Variants in RAB27A observed in about 807,000 individuals in gnomAD.
RAB27A encodes ras-related protein Rab-27A.
RAB27A carries 17 observed loss-of-function variants against 20.8 expected under a neutral mutation model. The observed-to-expected ratio is 0.82, with a 90% CI of 0.56 to 1.23. The LOEUF (loss-of-function observed/expected upper bound fraction) is 1.23. Among genes scored for constraint, RAB27A ranks in the 50% most tolerant of loss-of-function variants. The probability of loss-of-function intolerance (pLI) is 0.00; values close to 1 mark genes in which losing one functional copy is unlikely to be tolerated. For synonymous variants in RAB27A, 85 were observed against 92.8 expected (o/e 0.92, Z 0.48); for missense variants, 277 against 266.7 (o/e 1.04, Z -0.27).
chr15:55,317,635 T>C, intron 1 of RAB27A: 1 of 398,320 alleles, frequency 2.5e-6, no homozygotes, highest in Non-Finnish European at 4.4e-6. Flanking sequence ...GTATTAACTT[T>C]TCTTCTCTTC....
chr15:55,207,104 A>G (rs1894689687), intron 6 of RAB27A, among the ~76,000 whole-genome samples: 1 of 152,222 alleles, frequency 6.6e-6, no homozygotes, highest in Non-Finnish European at 1.5e-5. Flanking sequence ...ATATTAACTC[A>G]CACCCATCAG....
At chr15:55,282,577 G>C (rs1189580615) in intron 1 of RAB27A, among the ~76,000 whole-genome samples, 3 of 152,094 alleles carry the variant, frequency 2.0e-5, no homozygotes, top group East Asian at 3.8e-4. Context: ...TCCTTTCCAG[G>C]GTATGGTGGT....
rs11855084 is a variant in RAB27A, at chr15:55,289,485, G to A, written c.-143+231C>T. 0.047 allele frequency: 7,158 copies of A among 152,780 alleles called. 244 individuals are homozygous for A. The highest frequency in any genetic ancestry group is 0.067 in the Non-Finnish European group (4,575 of 68,432). 9.5% of individuals were successfully genotyped at this position (152,780 alleles called of 1,614,324 possible). A position where few individuals can be genotyped will look rare whatever the true frequency, so the allele number is the denominator to read the frequency against. ...AACCCGGAGGCGATCTGAGACCCTG[G>A]CCGGACCTGGGACCGCACCTGGCCA... On this transcript the variant is annotated intron_variant, in intron 1 of 6. Coordinates refer to ENST00000336787, the MANE Select transcript of RAB27A (RefSeq NM_183235.3).
intron 2 of RAB27A, among the ~76,000 whole-genome samples, chr15:55,298,319 C>A (rs2054958388): frequency 6.6e-6 from 1 of 151,616 alleles, no homozygotes; most frequent in South Asian, 2.1e-4. Flanking sequence ...AATAAAGGGA[C>A]AGAGTACAAA....
At chr15:55,232,745 A>T (rs1339470824) in intron 3 of RAB27A, among the ~76,000 whole-genome samples, 1 of 152,210 alleles carries the variant, frequency 6.6e-6, no homozygotes, top group Non-Finnish European at 1.5e-5. Context: ...AATAAGCACC[A>T]GTAAAAATGT....
In RAB27A at chr15:55,205,596, A is replaced by C; in HGVS notation, c.577T>G (p.Trp193Gly). The C allele has an allele frequency of 3.1e-6, 5 of 1,614,170 alleles. No individual in the cohort carries two copies. The highest frequency in any genetic ancestry group is 3.4e-6 in the Non-Finnish European group (4 of 1,180,024). Residue 193 changes from tryptophan (W) to glycine (G), a missense_variant, in exon 7 of 7, where the codon TGG (tryptophan) becomes GGG (glycine). By Grantham distance (184) the Trp-to-Gly change is radical. Transcript: ENST00000336787. ...KRMERCVDKSWIPEGVVRSNG... is the reference protein window; with the variant it reads ...KRMERCVDKSGIPEGVVRSNG... Reference sequence around the variant, plus strand: ...GATCGCACCACTCCTTCAGGAATCCAGGACTTGTCCACACACCGTTCCATT... The same window carrying C: ...GATCGCACCACTCCTTCAGGAATCCCGGACTTGTCCACACACCGTTCCATT...
At chr15:55,296,907 G>A (rs1290682642) in intron 2 of RAB27A, among the ~76,000 whole-genome samples, 1 of 152,090 alleles carries the variant, frequency 6.6e-6, no homozygotes, top group African/African-American at 2.4e-5. Flanking sequence ...GGTGCAGGAG[G>A]GTTCAGGGTT....
At chr15:55,318,025 G>A (rs575381532) in intron 1 of RAB27A, among the ~76,000 whole-genome samples, 2 of 152,084 alleles carry the variant, frequency 1.3e-5, no homozygotes, top group South Asian at 4.2e-4. Flanking sequence ...AGTGAATTAG[G>A]GAAGGGTATA....
At chr15:55,266,019 C>T (rs1024589984) in intron 2 of RAB27A, among the ~76,000 whole-genome samples, 2 of 152,204 alleles carry the variant, frequency 1.3e-5, no homozygotes, top group Admixed American at 6.5e-5. Context: ...ACTGGAAATA[C>T]ACAGAGCATC....
At chr15:55,262,456 G>A (rs906365647) in intron 2 of RAB27A, among the ~76,000 whole-genome samples, 1 of 151,260 alleles carries the variant, frequency 6.6e-6, no homozygotes, top group African/African-American at 2.4e-5. Flanking sequence ...GCAGGAGAAT[G>A]GCGTGAACCC....
intron 3 of RAB27A, among the ~76,000 whole-genome samples, chr15:55,234,069 T>C (rs1453281056): frequency 6.6e-6 from 1 of 152,140 alleles, no homozygotes; most frequent in Non-Finnish European, 1.5e-5. Flanking sequence ...TAAAGGACCT[T>C]TGTCATTAAT....
chr15:55,300,067 G>A (rs571727098), intron 2 of RAB27A, among the ~76,000 whole-genome samples: 5 of 151,910 alleles, frequency 3.3e-5, no homozygotes, highest in African/African-American at 4.8e-5. Flanking sequence ...TAATCCGCCC[G>A]CCTCGGCCTC....
At chr15:55,250,935 T>C (rs16976228) in intron 2 of RAB27A, among the ~76,000 whole-genome samples, 10,083 of 152,086 alleles carry the variant, frequency 0.066, 1,122 homozygotes, top group African/African-American at 0.23. Context: ...GGCAGCAGAG[T>C]GATATTCTAA....
chr15:55,275,249 C>T (rs926962561), intron 1 of RAB27A, among the ~76,000 whole-genome samples: 2 of 150,068 alleles, frequency 1.3e-5, no homozygotes, highest in African/African-American at 4.9e-5. Context: ...GAGACTCCAT[C>T]TAACAACAAC....
intron 1 of RAB27A, among the ~76,000 whole-genome samples, chr15:55,273,896 G>A (rs1897776469): frequency 6.6e-6 from 1 of 152,100 alleles, no homozygotes; most frequent in Non-Finnish European, 1.5e-5. Flanking sequence ...AGAACAAATG[G>A]AATTAACAGG....
intron 1 of RAB27A, among the ~76,000 whole-genome samples, chr15:55,285,796 T>G (rs1356400382): frequency 6.6e-6 from 1 of 152,190 alleles, no homozygotes; most frequent in African/African-American, 2.4e-5. Flanking sequence ...GAATTTCCAT[T>G]TTCTCAAATT....
chr15:55,265,718 G>A (rs1897452011), intron 2 of RAB27A, among the ~76,000 whole-genome samples: 1 of 152,120 alleles, frequency 6.6e-6, no homozygotes, highest in Admixed American at 6.5e-5. Flanking sequence ...GTAAGGGTTT[G>A]AGGGTTTGCG....
chr15:55,224,601 T>A (rs1895722715), intron 5 of RAB27A, among the ~76,000 whole-genome samples: 1 of 152,208 alleles, frequency 6.6e-6, no homozygotes, highest in African/African-American at 2.4e-5. Flanking sequence ...CAGAGCCAAG[T>A]GGAAGCAGAG....
At chr15:55,291,596 G>GATCAGC (rs1211296294), upstream of RAB27A, among the ~76,000 whole-genome samples, 1 of 146,880 alleles carries the variant, frequency 6.8e-6, no homozygotes, top group Non-Finnish European at 1.5e-5. Context: ...GGGAATCACT[G>GATCAGC]ATCAGCTAAA....
Sources: allele counts gnomAD v4.1 joint callset (sites outside exome capture counted in the v4.1 genomes callset), GRCh38; gene constraint gnomAD v4.1.1; transcripts MANE v1.5; gene names NCBI Gene and HGNC (gene_info 2026-07-23, HGNC 2026-07-21).